POLN: variants seen among roughly 807,000 people sequenced by gnomAD.
POLN encodes the protein DNA polymerase nu.
POLN carries 108 observed loss-of-function variants against 113.5 expected under a neutral mutation model. The ratio of observed to expected loss-of-function variants is 0.95; its 90% CI spans 0.81 to 1.12. The LOEUF is 1.12. Among genes scored for constraint, POLN ranks in the 50% most tolerant of loss-of-function variants. POLN has a pLI of 0.00. For missense variants in POLN, 1,097 were observed against 1,077.1 expected (o/e 1.02, Z -0.26); for synonymous variants, 386 against 391.5 (o/e 0.99, Z 0.17).
At chr4:2,163,644 C>T (rs113806542) in intron 13 of POLN, among the ~76,000 whole-genome samples, 2 of 152,374 alleles carry the variant, frequency 1.3e-5, no homozygotes, top group East Asian at 1.9e-4. Flanking sequence ...GGCTGCGTAT[C>T]GCAATCAACA....
intron 16 of POLN, among the ~76,000 whole-genome samples, chr4:2,142,839 C>G (rs1374618388): frequency 6.6e-6 from 1 of 151,590 alleles, no homozygotes; most frequent in Admixed American, 6.6e-5. Context: ...ATCCCCCACC[C>G]CCACCTCCGC....
Position 2,179,392 on chromosome 4 carries a change from A to C in POLN, c.1095T>G (p.Phe365Leu), listed in dbSNP as rs752934412. 4 of 1,613,484 alleles carry C rather than the reference A, an allele frequency of 2.5e-6. No homozygotes were observed. In the Admixed American group the frequency reaches 6.7e-5, roughly 27 times the overall value. The change falls in exon 8 of 26, where the codon TTT (phenylalanine) becomes TTG (leucine). Residue 365 changes from phenylalanine (F) to leucine (L), a missense_variant. Transcript: ENST00000511885. ...LIDPSDATPS[F>L]EDLVEKYCEK... is the part of the protein sequence containing the mutation. The stretch of plus-strand genomic sequence containing the variant: ...CACAGTATTTTTCTACTAAATCTTC[A>C]AAAGAGGGTGTGGCATCACTAGGAT...
At chr4:2,141,867 C>T (rs1390511064) in intron 16 of POLN, among the ~76,000 whole-genome samples, 1 of 152,204 alleles carries the variant, frequency 6.6e-6, no homozygotes, top group African/African-American at 2.4e-5. Context: ...GCCTGTGGGG[C>T]GCTGGCATTC....
intron 13 of POLN, among the ~76,000 whole-genome samples, chr4:2,170,283 T>C (rs564856516): frequency 2.6e-5 from 4 of 152,266 alleles, no homozygotes; most frequent in East Asian, 3.9e-4. Context: ...TCAAAAAAAA[T>C]TGATTCCTCT....
In POLN at chr4:2,073,011, A is replaced by G. The variant is rs1215996342; in HGVS notation, c.2474T>C (p.Met825Thr). The part of the protein sequence containing the change: ...PECAALVRRT[M>T]ESLEQVQALE... ...TGCCTGCACCTGTTCCAAGGACTCC[A>G]TGGTCCTCCTGACGAGAGCTAGAGT... The change falls in exon 25 of 26, where the codon ATG becomes ACG. Residue 825 changes from methionine to threonine, a missense_variant. Met to Thr is a moderately conservative substitution (Grantham distance 81). Transcript: ENST00000511885. The G allele has an allele frequency of 1.4e-5, 22 of 1,613,480 alleles. No homozygotes were observed. The highest frequency in any genetic ancestry group is 1.8e-5 in the Non-Finnish European group (21 of 1,179,918).
At chr4:2,141,626 G>A (rs984435629) in intron 16 of POLN, among the ~76,000 whole-genome samples, 22 of 152,304 alleles carry the variant, frequency 1.4e-4, no homozygotes, top group East Asian at 1.9e-4. Flanking sequence ...TGGCTCTGGC[G>A]ACACTGTTAC....
chr4:2,216,715 G>GT (rs1734121084), intron 3 of POLN, among the ~76,000 whole-genome samples: 1 of 152,238 alleles, frequency 6.6e-6, no homozygotes, highest in Non-Finnish European at 1.5e-5. Context: ...ACGTGTGTTG[G>GT]TTCTGGCCAA....
At chr4:2,131,545 TAC>T (rs1731728662) in intron 16 of POLN, among the ~76,000 whole-genome samples, 1 of 152,240 alleles carries the variant, frequency 6.6e-6, no homozygotes, top group Admixed American at 6.5e-5. Flanking sequence ...CATAATTATG[TAC>T]AGTCATTCTT....
At chr4:2,125,524 C>T (rs1731557244) in intron 19 of POLN, among the ~76,000 whole-genome samples, 1 of 152,156 alleles carries the variant, frequency 6.6e-6, no homozygotes, top group Non-Finnish European at 1.5e-5. Context: ...GTCCACATGG[C>T]CTGAATTTCT....
intron 5 of POLN, among the ~76,000 whole-genome samples, chr4:2,199,667 C>G (rs750998271): frequency 2.5e-4 from 38 of 152,162 alleles, no homozygotes; most frequent in Middle Eastern, 3.2e-3. Context: ...ACCTCCACCT[C>G]CCAGGTTCAA....
At chr4:2,238,671 C>A in intron 2 of POLN, 1 of 1,613,164 alleles carries the variant, frequency 6.2e-7, no homozygotes, top group Non-Finnish European at 8.5e-7. Context: ...ACTGATGGAT[C>A]TGTTAACATT....
chr4:2,193,661 C>G (rs560991197), intron 6 of POLN, among the ~76,000 whole-genome samples: 1 of 152,310 alleles, frequency 6.6e-6, no homozygotes, highest in African/African-American at 2.4e-5. Flanking sequence ...CCCGTTCTCC[C>G]AGAGCTCCCC....
chr4:2,111,343 C>T (rs1254644256), intron 19 of POLN, among the ~76,000 whole-genome samples: 1 of 151,398 alleles, frequency 6.6e-6, no homozygotes, highest in Non-Finnish European at 1.5e-5. Flanking sequence ...ACAGGGATGC[C>T]CTCTCTCACC....
At position 2,199,289 on chromosome 4, in the gene POLN, T is replaced by C. The variant is rs192407824; in HGVS notation, c.715-572A>G. Among the ~76,000 whole-genome samples the C allele has an allele frequency of 3.2e-3, 490 of 152,224 alleles. 2 individuals are homozygous for C. The highest frequency in any genetic ancestry group is 0.011 in the African/African-American group (475 of 41,530). On this transcript the variant is annotated intron_variant, in intron 5 of 25. Transcript: ENST00000511885. ...CTGATGAAAGAAATCAGAGAAGACC[T>C]AAATAACGAAGACATATAATACTCA...
At chr4:2,123,638 A>AAAAAAAAG (rs1731505225) in intron 19 of POLN, among the ~76,000 whole-genome samples, 1 of 150,512 alleles carries the variant, frequency 6.6e-6, no homozygotes. Context: ...AAAAAAAAAA[A>AAAAAAAAG]AAAAAAAGAA....
chr4:2,184,537 A>G (rs1405307703), intron 7 of POLN, among the ~76,000 whole-genome samples: 2 of 151,942 alleles, frequency 1.3e-5, no homozygotes, highest in Non-Finnish European at 2.9e-5. Context: ...ATGAATTAGA[A>G]ATATCAGTAT....
At chr4:2,229,922 C>T (rs1734521184) in intron 2 of POLN, 1 of 152,274 alleles carries the variant, frequency 6.6e-6, no homozygotes, top group African/African-American at 2.4e-5. Flanking sequence ...GGCAGACACA[C>T]AACTACCATC....
At chr4:2,080,376 C>T (rs894440464) in intron 23 of POLN, 2 of 1,013,024 alleles carry the variant, frequency 2.0e-6, no homozygotes, top group Non-Finnish European at 2.4e-6. Flanking sequence ...AGCCCCCCCC[C>T]ACCAAGGCAC....
At chr4:2,131,139 C>T (rs1047142658) in intron 17 of POLN, 94 bp downstream of exon 17, 24 of 872,200 alleles carry the variant, frequency 2.8e-5, no homozygotes, top group Middle Eastern at 2.5e-4. Context: ...GAGCTGTGAT[C>T]GCACAAATGC....
Sources: gnomAD v4.1 joint callset for allele counts (sites outside exome capture counted in the v4.1 genomes callset) on GRCh38, gnomAD v4.1.1 for gene constraint, MANE v1.5 for transcripts, NCBI Gene and HGNC (gene_info 2026-07-23, HGNC 2026-07-21) for gene names.